Variants in OCA2 observed in about 807,000 individuals in gnomAD.
OCA2 encodes the protein OCA2 melanosomal transmembrane protein.
In OCA2, 77 loss-of-function variants were observed where a neutral mutation model predicts 100.2. The observed-to-expected ratio is 0.77, with a 90% CI of 0.64 to 0.93. The LOEUF (loss-of-function observed/expected upper bound fraction) is 0.93. Ranked by LOEUF, OCA2 falls within the 40% of genes least tolerant of loss-of-function variation. The pLI is 0.00. For missense variants in OCA2, 1,062 were observed against 1,089.1 expected, an observed-to-expected ratio of 0.98 and a Z score of 0.35; for synonymous variants, 432 against 439.2, an observed-to-expected ratio of 0.98 and a Z score of 0.21.
At chr15:27,849,152 C>T (rs1172281206) in intron 22 of OCA2, among the ~76,000 whole-genome samples, 4 of 146,992 alleles carry the variant, frequency 2.7e-5, no homozygotes, top group Non-Finnish European at 5.9e-5. Context: ...GGTGTGAACA[C>T]AGCCACATGC....
intron 19 of OCA2, among the ~76,000 whole-genome samples, chr15:27,889,580 T>TG: frequency 6.6e-6 from 1 of 152,130 alleles, no homozygotes; most frequent in East Asian, 1.9e-4. Flanking sequence ...TGAGTCACCG[T>TG]GGGAAAGTGT....
chr15:27,792,949 G>A (rs1595418885), intron 23 of OCA2, among the ~76,000 whole-genome samples: 3 of 152,296 alleles, frequency 2.0e-5, no homozygotes, highest in South Asian at 2.1e-4. Flanking sequence ...GAGTGCTGGC[G>A]TCCAGCACAA....
intron 2 of OCA2, among the ~76,000 whole-genome samples, chr15:28,049,783 C>A (rs551045162): frequency 6.6e-6 from 1 of 152,086 alleles, no homozygotes; most frequent in Non-Finnish European, 1.5e-5. Flanking sequence ...AAGGAAATTG[C>A]AGGTTCCAGA....
chr15:28,082,041 C>G, intron 1 of OCA2, 146 bp from the exon 2 acceptor site: 1 of 703,064 alleles, frequency 1.4e-6, no homozygotes, highest in East Asian at 2.7e-5. Flanking sequence ...GCATTTCACC[C>G]TAGTGAGAAG....
At chr15:27,959,478 A>C (rs979800794) in intron 15 of OCA2, among the ~76,000 whole-genome samples, 9 of 152,222 alleles carry the variant, frequency 5.9e-5, no homozygotes, top group African/African-American at 1.9e-4. Context: ...CCAGTATTTC[A>C]TCCAGTGCTC....
chr15:28,022,439 T>A, intron 6 of OCA2, 62 bp downstream of exon 6: 1 of 1,186,748 alleles, frequency 8.4e-7, no homozygotes, highest in Non-Finnish European at 1.3e-6. Context: ...CGTCTGCAAG[T>A]GTCTCCTTGT....
chr15:28,098,549 T>A (rs879580504), intron 1 of OCA2, among the ~76,000 whole-genome samples: 2 of 152,238 alleles, frequency 1.3e-5, no homozygotes, highest in African/African-American at 4.8e-5. Context: ...GTCTAAGTAG[T>A]GCTCCTCAAA....
intron 19 of OCA2, among the ~76,000 whole-genome samples, chr15:27,914,953 GCT>G (rs1273509837): frequency 7.2e-5 from 11 of 152,140 alleles, no homozygotes; most frequent in African/African-American, 2.2e-4. Context: ...ACATTACCCA[GCT>G]TCAAACTATA....
At chr15:27,967,636 A>G (rs557486181) in intron 14 of OCA2, among the ~76,000 whole-genome samples, 1 of 152,360 alleles carries the variant, frequency 6.6e-6, no homozygotes, top group African/African-American at 2.4e-5. Context: ...CAGGGCACTC[A>G]GGGCCCATCA....
the OCA2 span, among the ~76,000 whole-genome samples, chr15:27,735,737 C>CA: frequency 0.033 from 5,005 of 151,146 alleles, 294 homozygotes; most frequent in African/African-American, 0.12. Context: ...AAAAACAAAA[C>CA]AAAAAAACAA....
intron 19 of OCA2, among the ~76,000 whole-genome samples, chr15:27,890,274 G>T (rs890093981): frequency 8.5e-5 from 13 of 152,222 alleles, no homozygotes; most frequent in African/African-American, 3.1e-4. Flanking sequence ...TTAGAGCAAG[G>T]TTAGAAAAGT....
intron 1 of OCA2, among the ~76,000 whole-genome samples, chr15:28,083,626 A>C (rs1190687260): frequency 6.6e-6 from 1 of 152,238 alleles, no homozygotes; most frequent in African/African-American, 2.4e-5. Context: ...TTTGAAACTG[A>C]TGTGGCATGA....
intron 3 of OCA2, among the ~76,000 whole-genome samples, chr15:28,031,685 G>C (rs1037691850): frequency 6.6e-6 from 1 of 152,180 alleles, no homozygotes; most frequent in Non-Finnish European, 1.5e-5. Flanking sequence ...AGAATGTTTG[G>C]AGCATCCCTT....
At chr15:27,902,904 A>G (rs1042353652) in intron 19 of OCA2, among the ~76,000 whole-genome samples, 1 of 152,182 alleles carries the variant, frequency 6.6e-6, no homozygotes, top group Non-Finnish European at 1.5e-5. Context: ...GCGCGTCCCT[A>G]GCTGACACCT....
intron 23 of OCA2, among the ~76,000 whole-genome samples, chr15:27,824,602 C>CTCTCTATATATATATATA: frequency 1.1e-4 from 5 of 47,588 alleles, no homozygotes; most frequent in African/African-American, 3.2e-4. Flanking sequence ...CTCTCTCTCT[C>CTCTCTATATATATATATA]TATATATATA....
At chr15:28,069,635 C>A (rs1001430038) in intron 2 of OCA2, among the ~76,000 whole-genome samples, 1 of 145,756 alleles carries the variant, frequency 6.9e-6, no homozygotes. Flanking sequence ...AGCCCCTAAC[C>A]GCGAGTGATC....
intron 6 of OCA2, among the ~76,000 whole-genome samples, chr15:28,019,899 C>T (rs527820500): frequency 2.0e-5 from 3 of 152,262 alleles, no homozygotes; most frequent in East Asian, 3.9e-4. Flanking sequence ...AGAGAGGGTC[C>T]GTGAGTTTCC....
intron 15 of OCA2, among the ~76,000 whole-genome samples, chr15:27,962,945 A>C (rs1320261878): frequency 2.0e-5 from 3 of 152,188 alleles, no homozygotes; most frequent in Non-Finnish European, 1.5e-5. Context: ...AGATGGAAAA[A>C]GATACACCAC....
chr15:27,847,399 G>A (rs1005948100), intron 22 of OCA2, among the ~76,000 whole-genome samples: 1 of 152,226 alleles, frequency 6.6e-6, no homozygotes. Flanking sequence ...AGGGCAGGGA[G>A]GAGAACTGGC....
Sources: gnomAD v4.1 joint callset for allele counts (sites outside exome capture counted in the v4.1 genomes callset) on GRCh38, gnomAD v4.1.1 for gene constraint, MANE v1.5 for transcripts, NCBI Gene and HGNC (gene_info 2026-07-23, HGNC 2026-07-21) for gene names.